EYA1: variants seen among roughly 807,000 people sequenced by gnomAD.
EYA1 encodes the protein protein phosphatase EYA1.
EYA1 carries 16 observed loss-of-function variants against 82.0 expected under a neutral mutation model. That is an observed-to-expected ratio of 0.20 (90% CI 0.13 to 0.30). The LOEUF (loss-of-function observed/expected upper bound fraction) is 0.30. Among genes scored for constraint, EYA1 ranks in the 10% least tolerant of loss-of-function variants. The pLI, the probability that EYA1 is intolerant of heterozygous loss-of-function variation, is 1.00. For missense variants in EYA1, 633 were observed against 730.7 expected (o/e 0.87, Z 1.54); for synonymous variants, 261 against 264.4 (o/e 0.99, Z 0.12).
intron 2 of EYA1, among the ~76,000 whole-genome samples, chr8:71,389,040 C>T (rs11996767): frequency 0.033 from 5,029 of 151,604 alleles, 278 homozygotes; most frequent in African/African-American, 0.11. Context: ...GCTCTCAGGA[C>T]TTTACCAAGA....
In EYA1 at chr8:71,452,718, A is replaced by G. The variant is rs550231490; in HGVS notation, c.33+83026T>C. Among the ~76,000 whole-genome samples, 24 of 152,342 alleles carry G rather than the reference A, an allele frequency of 1.6e-4. 1 individual carries two copies. The highest frequency in any genetic ancestry group is 1.3e-4 in the Admixed American group (2 of 15,304). ...CCTGCAGCTGAGGGTCCTAAATGTT[A>G]GAAGGAAAACTAACAAACAGAAAGG... On this transcript the variant is annotated intron_variant, in intron 2 of 18. Transcript: ENST00000643681.
chr8:71,547,242 A>G (rs1262951658), intron 1 of EYA1, among the ~76,000 whole-genome samples: 5 of 152,188 alleles, frequency 3.3e-5, no homozygotes, highest in African/African-American at 1.2e-4. Flanking sequence ...TGCCCTCCAG[A>G]TGTTTCCCAT....
At chr8:71,385,314 T>C (rs1828915755) in intron 2 of EYA1, among the ~76,000 whole-genome samples, 1 of 152,002 alleles carries the variant, frequency 6.6e-6, no homozygotes, top group Non-Finnish European at 1.5e-5. Context: ...AGTGACCAAG[T>C]AGATGAGCCC....
intron 17 of EYA1, among the ~76,000 whole-genome samples, chr8:71,206,040 T>C (rs990905742): frequency 6.6e-6 from 1 of 152,162 alleles, no homozygotes; most frequent in Non-Finnish European, 1.5e-5. Flanking sequence ...AATTATGTGT[T>C]TTAAAAATTT....
intron 11 of EYA1, among the ~76,000 whole-genome samples, chr8:71,252,245 G>A (rs745421957): frequency 1.3e-5 from 2 of 151,798 alleles, no homozygotes; most frequent in Admixed American, 6.6e-5. Context: ...GTTTTTGCAG[G>A]GCTAAGTCAT....
chr8:71,520,017 T>A (rs960921595), intron 2 of EYA1, among the ~76,000 whole-genome samples: 4 of 152,180 alleles, frequency 2.6e-5, no homozygotes, highest in Non-Finnish European at 5.9e-5. Flanking sequence ...TAATGTTGAA[T>A]TAAATATTTT....
chr8:71,480,715 C>T (rs142910552), intron 2 of EYA1, among the ~76,000 whole-genome samples: 187 of 151,730 alleles, frequency 1.2e-3, no homozygotes, highest in African/African-American at 4.3e-3. Context: ...AACATTATAT[C>T]TGCATGAAAA....
intron 2 of EYA1, chr8:71,530,048 T>C (rs751473859): frequency 4.6e-5 from 7 of 152,172 alleles, no homozygotes; most frequent in Non-Finnish European, 7.3e-5. Flanking sequence ...TAAGTAGAAA[T>C]CCTAATCCCC....
intron 2 of EYA1, among the ~76,000 whole-genome samples, chr8:71,415,741 C>A (rs76848980): frequency 6.6e-6 from 1 of 152,154 alleles, no homozygotes; most frequent in Non-Finnish European, 1.5e-5. Flanking sequence ...AGAGGCATCA[C>A]GGCTCCTGTG....
rs181557811 is a variant in EYA1 at position 71,525,905 on chromosome 8, T to G, written c.33+9839A>C. Among the ~76,000 whole-genome samples, 846 of 152,290 alleles carry G rather than the reference T, an allele frequency of 5.6e-3. 3 individuals carry two copies. Among genetic ancestry groups the G allele is most frequent in the African/African-American group, 0.019 (803 of 41,566 alleles). ...TATTCACTCATTCAACCAAAACATT[T>G]TGCACATCATGTGCAAAATAGCGAA... is the stretch of plus-strand genomic sequence containing the variant. On this transcript the variant is annotated intron_variant, in intron 2 of 18. Coordinates refer to the EYA1 transcript ENST00000643681.
chr8:71,326,585 G>A (rs906722685), intron 4 of EYA1, among the ~76,000 whole-genome samples: 9 of 152,122 alleles, frequency 5.9e-5, no homozygotes, highest in Non-Finnish European at 1.0e-4. Flanking sequence ...GGCTTAACCC[G>A]ACCAGTGACA....
chr8:71,215,113 A>G (rs1585808409), intron 16 of EYA1, among the ~76,000 whole-genome samples: 2 of 152,238 alleles, frequency 1.3e-5, no homozygotes, highest in African/African-American at 4.8e-5. Flanking sequence ...GGATAAAAAT[A>G]TGATAATAAT....
chr8:71,256,500 T>C (rs927966163), intron 11 of EYA1, among the ~76,000 whole-genome samples: 1 of 151,970 alleles, frequency 6.6e-6, no homozygotes, highest in East Asian at 1.9e-4. Context: ...GTACCTGCAA[T>C]ACACAGAGAC....
At chr8:71,402,486 A>G (rs982251125) in intron 2 of EYA1, among the ~76,000 whole-genome samples, 1 of 152,232 alleles carries the variant, frequency 6.6e-6, no homozygotes, top group African/African-American at 2.4e-5. Context: ...AAAATGTTAC[A>G]TGCCCACAAA....
intron 12 of EYA1, among the ~76,000 whole-genome samples, chr8:71,240,345 G>A (rs1039894364): frequency 2.2e-4 from 33 of 151,928 alleles, no homozygotes; most frequent in Admixed American, 5.2e-4. Flanking sequence ...ACCCGGGCTA[G>A]GAGTCTACAT....
intron 12 of EYA1, among the ~76,000 whole-genome samples, chr8:71,228,179 C>T (rs191923364): frequency 1.3e-3 from 201 of 152,252 alleles, no homozygotes; most frequent in African/African-American, 4.6e-3. Context: ...CAGACCCTGG[C>T]GGCGAGGAGA....
At chr8:71,372,276 T>C (rs534227565) in intron 2 of EYA1, among the ~76,000 whole-genome samples, 32 of 152,160 alleles carry the variant, frequency 2.1e-4, no homozygotes, top group Admixed American at 1.3e-4. Flanking sequence ...TAGAAAGTAG[T>C]AAAGCAATGG....
intron 2 of EYA1, among the ~76,000 whole-genome samples, chr8:71,535,558 G>T (rs1004063157): frequency 2.6e-5 from 4 of 152,130 alleles, no homozygotes; most frequent in African/African-American, 9.7e-5. Context: ...TCTGAGAAAA[G>T]ATATAAATTA....
chr8:71,541,518 G>T (rs1181620309), intron 1 of EYA1, among the ~76,000 whole-genome samples: 1 of 152,122 alleles, frequency 6.6e-6, no homozygotes, highest in Admixed American at 6.5e-5. Context: ...TGCTTATTTG[G>T]TAAGGAAAAT....
Sources: allele counts gnomAD v4.1 joint callset (sites outside exome capture counted in the v4.1 genomes callset), GRCh38; gene constraint gnomAD v4.1.1; transcripts MANE v1.5; gene names NCBI Gene and HGNC (gene_info 2026-07-23, HGNC 2026-07-21).